Variants in CAST observed in about 807,000 individuals in gnomAD.
CAST encodes MIR583 host.
CAST carries 76 observed loss-of-function variants against 119.6 expected under a neutral mutation model. That is an observed-to-expected ratio of 0.64 (90% CI 0.53 to 0.77). CAST has a LOEUF of 0.77. Among genes scored for constraint, CAST ranks in the 30% least tolerant of loss-of-function variants. The pLI, the probability that CAST is intolerant of heterozygous loss-of-function variation, is 0.00. For missense variants in CAST, 953 were observed against 946.5 expected (o/e 1.01, Z -0.09); for synonymous variants, 319 against 331.6 (o/e 0.96, Z 0.41).
At chr5:96,174,226 C>T in the CAST span, among the ~76,000 whole-genome samples, 1 of 152,152 alleles carries the variant, frequency 6.6e-6, no homozygotes, top group Non-Finnish European at 1.5e-5. Flanking sequence ...CCAAACTTGC[C>T]AGTTTCCTTC....
At chr5:96,620,662 A>G (rs1028264252) in intron 1 of CAST, among the ~76,000 whole-genome samples, 1 of 152,208 alleles carries the variant, frequency 6.6e-6, no homozygotes, top group African/African-American at 2.4e-5. Flanking sequence ...ACATAACCTC[A>G]TTGTAAGTTA....
chr5:96,526,422 T>C (rs1745597701), upstream of CAST, among the ~76,000 whole-genome samples: 4 of 152,232 alleles, frequency 2.6e-5, no homozygotes, highest in South Asian at 8.3e-4. Flanking sequence ...AACTTTTCTC[T>C]AAGTAGTTCT....
chr5:96,654,794 C>T (rs1748134925), intron 1 of CAST, among the ~76,000 whole-genome samples: 1 of 152,144 alleles, frequency 6.6e-6, no homozygotes, highest in African/African-American at 2.4e-5. Flanking sequence ...CAAATAAAGA[C>T]CATGTATATT....
chr5:96,751,676 C>G (rs1765085439), intron 20 of CAST, among the ~76,000 whole-genome samples: 1 of 152,102 alleles, frequency 6.6e-6, no homozygotes, highest in Non-Finnish European at 1.5e-5. Flanking sequence ...AGAAAGCAGG[C>G]AAAGAGGCTG....
chr5:96,165,025 T>C, the CAST span, among the ~76,000 whole-genome samples: 1 of 152,012 alleles, frequency 6.6e-6, no homozygotes, highest in African/African-American at 2.4e-5. Context: ...AGAGCTGTCA[T>C]TTGATGGTTA....
chr5:96,188,011 C>T, the CAST span, among the ~76,000 whole-genome samples: 5 of 152,194 alleles, frequency 3.3e-5, no homozygotes, highest in African/African-American at 1.2e-4. Flanking sequence ...CTTTGGTCAG[C>T]CCACTCAGTG....
the CAST span, among the ~76,000 whole-genome samples, chr5:96,193,347 G>A: frequency 7.0e-6 from 1 of 143,362 alleles, no homozygotes; most frequent in African/African-American, 2.9e-5. Context: ...GGGAACTGTA[G>A]AGATTTAAAT....
the CAST span, among the ~76,000 whole-genome samples, chr5:96,068,593 A>ATG: frequency 0.12 from 17,269 of 142,078 alleles, 1,462 homozygotes; most frequent in African/African-American, 0.25. Context: ...CAATAGGATT[A>ATG]TGTGTGTGTG....
upstream of CAST, among the ~76,000 whole-genome samples, chr5:96,529,447 T>C (rs1476420013): frequency 6.6e-6 from 1 of 152,132 alleles, no homozygotes; most frequent in Admixed American, 6.5e-5. Flanking sequence ...AAATTGTACA[T>C]TTTAATTGAG....
chr5:96,429,562 C>G, the CAST span, among the ~76,000 whole-genome samples: 1 of 152,060 alleles, frequency 6.6e-6, no homozygotes, highest in South Asian at 2.1e-4. Context: ...AGGTATTAAG[C>G]CCAATACCCA....
chr5:96,143,663 C>T, the CAST span, among the ~76,000 whole-genome samples: 1 of 152,120 alleles, frequency 6.6e-6, no homozygotes, highest in South Asian at 2.1e-4. Context: ...TTTAATGAGG[C>T]TAAGTTATTT....
chr5:96,334,977 C>T, the CAST span, among the ~76,000 whole-genome samples: 6 of 152,300 alleles, frequency 3.9e-5, no homozygotes, highest in East Asian at 1.9e-4. Context: ...CCTGCATTAT[C>T]GTCCTCCAAT....
intron 1 of CAST, chr5:96,662,993 A>AC: frequency 1.6e-6 from 1 of 644,652 alleles, no homozygotes; most frequent in African/African-American, 1.8e-5. Context: ...GGTTCTGCCC[A>AC]CCTGGCAGCC....
intron 19 of CAST, among the ~76,000 whole-genome samples, chr5:96,749,840 C>G (rs1453976211): frequency 4.6e-5 from 7 of 152,200 alleles, no homozygotes; most frequent in African/African-American, 1.7e-4. Flanking sequence ...GCCACCACAC[C>G]CAGCCTTGAA....
intron 4 of CAST, 52 bp downstream of exon 4, chr5:96,722,750 A>G (rs760339154): frequency 2.4e-6 from 3 of 1,261,246 alleles, no homozygotes; most frequent in Non-Finnish European, 3.5e-6. Context: ...TTGTGCTGCA[A>G]AGCAAAACAA....
chr5:96,158,350 C>A, the CAST span, among the ~76,000 whole-genome samples: 1 of 152,098 alleles, frequency 6.6e-6, no homozygotes, highest in African/African-American at 2.4e-5. Flanking sequence ...CAGCAACAGC[C>A]TTTGATTGCT....
chr5:96,054,915 TAGAA>T, the CAST span, among the ~76,000 whole-genome samples: 1 of 152,168 alleles, frequency 6.6e-6, no homozygotes, highest in Admixed American at 6.5e-5. Flanking sequence ...ATGAGGATGA[TAGAA>T]AGAAACCATC....
chr5:96,722,409 G>GT (rs1177260041), intron 3 of CAST, among the ~76,000 whole-genome samples: 2 of 151,430 alleles, frequency 1.3e-5, no homozygotes, highest in East Asian at 3.9e-4. Context: ...TAAAATTTAA[G>GT]TATCTTACCC....
At chr5:96,025,204 C>T in the CAST span, among the ~76,000 whole-genome samples, 19 of 152,262 alleles carry the variant, frequency 1.2e-4, no homozygotes, top group East Asian at 3.7e-3. Flanking sequence ...TTATTTCTCA[C>T]AGTTCTGGAG....
Sources: gnomAD v4.1 joint callset for allele counts (sites outside exome capture counted in the v4.1 genomes callset) on GRCh38, gnomAD v4.1.1 for gene constraint, MANE v1.5 for transcripts, NCBI Gene and HGNC (gene_info 2026-07-23, HGNC 2026-07-21) for gene names.